Variants in FOXP1 observed in about 807,000 individuals in gnomAD.
The protein encoded by FOXP1 is forkhead box protein P1.
A neutral mutation model predicts 98.2 loss-of-function variants in FOXP1; 15 were observed. The observed-to-expected ratio is 0.15, with a 90% confidence interval of 0.10 to 0.24. FOXP1 has a LOEUF of 0.24. FOXP1 is among the 10% of genes least tolerant of loss of function. The pLI, the probability that FOXP1 is intolerant of heterozygous loss-of-function variation, is 1.00. For missense variants in FOXP1, 633 were observed against 848.5 expected (o/e 0.75, Z 3.15); for synonymous variants, 371 against 314.5 (o/e 1.18, Z -1.90).
At chr3:71,313,231 T>G (rs1228259205) in intron 4 of FOXP1, among the ~76,000 whole-genome samples, 1 of 151,226 alleles carries the variant, frequency 6.6e-6, no homozygotes, top group Non-Finnish European at 1.5e-5. Flanking sequence ...AGCTAATTTT[T>G]GGTATTTTTA....
intron 3 of FOXP1, among the ~76,000 whole-genome samples, chr3:71,425,095 G>GTT (rs35605533): frequency 0.14 from 21,355 of 150,926 alleles, 1,777 homozygotes; most frequent in South Asian, 0.23. Context: ...TCATTTTCCT[G>GTT]TTTTTTTTTG....
intron 3 of FOXP1, among the ~76,000 whole-genome samples, chr3:71,490,709 T>C (rs535188287): frequency 4.6e-5 from 7 of 152,314 alleles, no homozygotes; most frequent in African/African-American, 1.4e-4. Context: ...TTCATTATAG[T>C]TCTTCAGATG....
At chr3:71,203,936 AGG>A (rs1279651205) in intron 5 of FOXP1, among the ~76,000 whole-genome samples, 4 of 121,012 alleles carry the variant, frequency 3.3e-5, no homozygotes, top group Non-Finnish European at 7.0e-5. Flanking sequence ...TGGAAAAGGA[AGG>A]AGGAAGGAAG....
chr3:71,057,291 C>CTT (rs10670020), intron 7 of FOXP1, among the ~76,000 whole-genome samples: 295 of 7,490 alleles, frequency 0.039, 130 homozygotes, highest in Non-Finnish European at 0.1. Flanking sequence ...AAAAACGAAA[C>CTT]TTTTTTTTTT....
intron 6 of FOXP1, among the ~76,000 whole-genome samples, chr3:71,138,616 C>T (rs990926935): frequency 1.3e-5 from 2 of 152,122 alleles, no homozygotes; most frequent in Non-Finnish European, 2.9e-5. Flanking sequence ...TACTATCTCT[C>T]AAAAGTGATA....
At chr3:71,323,448 G>T (rs1471560162) in intron 4 of FOXP1, among the ~76,000 whole-genome samples, 8 of 152,028 alleles carry the variant, frequency 5.3e-5, no homozygotes, top group Admixed American at 5.2e-4. Flanking sequence ...CAGAATCAAT[G>T]AGACCTACAA....
At chr3:71,420,866 C>T (rs539419899) in intron 3 of FOXP1, among the ~76,000 whole-genome samples, 2 of 151,992 alleles carry the variant, frequency 1.3e-5, no homozygotes, top group African/African-American at 4.8e-5. Context: ...GCCACCATGC[C>T]CGGCTAATTT....
chr3:70,978,062 T>G, intron 14 of FOXP1, 33 bp from the exon 15 acceptor site: 1 of 1,597,224 alleles, frequency 6.3e-7, no homozygotes, highest in South Asian at 1.1e-5. Context: ...TTAGAAGACC[T>G]TCAGAAAACC....
intron 13 of FOXP1, among the ~76,000 whole-genome samples, chr3:70,992,097 C>T (rs770702953): frequency 8.5e-5 from 13 of 152,140 alleles, no homozygotes; most frequent in Non-Finnish European, 1.6e-4. Context: ...TGATGATCTC[C>T]AAGTGAAACG....
chr3:71,439,440 A>G (rs1336121312), intron 3 of FOXP1, among the ~76,000 whole-genome samples: 1 of 152,196 alleles, frequency 6.6e-6, no homozygotes, highest in Non-Finnish European at 1.5e-5. Context: ...ACTTAGAAGA[A>G]GGAAAAATAG....
intron 17 of FOXP1, among the ~76,000 whole-genome samples, chr3:70,973,101 T>G (rs147662291): frequency 2.0e-3 from 311 of 152,342 alleles, no homozygotes; most frequent in African/African-American, 7.2e-3. Context: ...TTAATACTGC[T>G]AAATACAGTT....
At chr3:71,200,104 A>AAG (rs1553777310) in intron 5 of FOXP1, among the ~76,000 whole-genome samples, 11 of 151,384 alleles carry the variant, frequency 7.3e-5, no homozygotes, top group South Asian at 2.1e-4. Context: ...AAAAAAAAAA[A>AAG]AGAGAGAAAA....
chr3:71,502,215 T>C lies in FOXP1; in HGVS notation c.-297-8660A>G, dbSNP rs553411248. Among the ~76,000 whole-genome samples the C allele has an allele frequency of 4.6e-5, 7 of 152,312 alleles. No homozygotes were observed. The East Asian group carries it at 9.7e-4, about 21-fold the overall frequency. On this transcript the variant is annotated intron_variant, in intron 2 of 20. Coordinates refer to ENST00000649528, the MANE Select transcript of FOXP1 (RefSeq NM_001349338.3). ...CACTGGCAAACTGGGTCTAGCTAAC[T>C]GAGCACAGCTAGCACAAGGCAGGCC... is the stretch of plus-strand genomic sequence containing the variant.
chr3:70,974,680 C>T (rs556015169), intron 17 of FOXP1, among the ~76,000 whole-genome samples: 19 of 152,290 alleles, frequency 1.2e-4, no homozygotes, highest in South Asian at 8.3e-4. Flanking sequence ...TATAAATAAA[C>T]GGACAGAGCC....
At chr3:71,157,801 G>T (rs1291859608) in intron 6 of FOXP1, among the ~76,000 whole-genome samples, 1 of 152,098 alleles carries the variant, frequency 6.6e-6, no homozygotes, top group Non-Finnish European at 1.5e-5. Flanking sequence ...AAAGTGTGGA[G>T]GGAGGCCAGG....
In FOXP1 at chr3:71,067,625, A is replaced by C. The variant is rs139277674; in HGVS notation, c.283-13852T>G. On this transcript the variant is annotated intron_variant, in intron 7 of 20. Transcript: ENST00000649528. The stretch of plus-strand genomic sequence containing the variant: ...CCAAGAATTAAACATGGCCAGGTGC[A>C]GTGGCTCATACTCATAATCCCAGCA... Among the ~76,000 whole-genome samples the C allele has an allele frequency of 1.7e-4, 26 of 152,122 alleles. No homozygotes were observed. In the East Asian group the frequency reaches 5.0e-3, roughly 29 times the overall value.
intron 2 of FOXP1, chr3:71,570,922 T>C (rs1352744973): frequency 1.3e-5 from 2 of 152,136 alleles, no homozygotes; most frequent in Non-Finnish European, 2.9e-5. Flanking sequence ...GGCCCCAGCC[T>C]GGGTAGGAGG....
intron 4 of FOXP1, among the ~76,000 whole-genome samples, chr3:71,338,290 T>C (rs1268797335): frequency 6.6e-6 from 1 of 151,966 alleles, no homozygotes; most frequent in Non-Finnish European, 1.5e-5. Flanking sequence ...TGTCCACTAA[T>C]CCTCTTCGGT....
intron 11 of FOXP1, among the ~76,000 whole-genome samples, chr3:71,027,923 C>T (rs982444122): frequency 3.0e-4 from 45 of 152,102 alleles, no homozygotes; most frequent in African/African-American, 9.4e-4. Flanking sequence ...TTCTCATCCT[C>T]GGAAAGAGTT....
Sources: gnomAD v4.1 joint callset for allele counts (sites outside exome capture counted in the v4.1 genomes callset) on GRCh38, gnomAD v4.1.1 for gene constraint, MANE v1.5 for transcripts, NCBI Gene and HGNC (gene_info 2026-07-23, HGNC 2026-07-21) for gene names.